GPR157: variants seen among roughly 807,000 people sequenced by gnomAD.
GPR157 encodes G-protein coupled receptor 157.
In GPR157, 16 loss-of-function variants were observed where a neutral mutation model predicts 23.5. The observed-to-expected ratio is 0.68, with a 90% CI of 0.46 to 1.04. The LOEUF (loss-of-function observed/expected upper bound fraction) is 1.04. GPR157 is among the 50% of genes least tolerant of loss of function. The pLI is 0.00. For missense variants in GPR157, 440 were observed against 460.7 expected, an observed-to-expected ratio of 0.96 and a Z score of 0.41; for synonymous variants, 200 against 221.5, an observed-to-expected ratio of 0.90 and a Z score of 0.86.
chr1:9,115,819 A>C (rs1459841525), intron 1 of GPR157, among the ~76,000 whole-genome samples: 1 of 151,302 alleles, frequency 6.6e-6, no homozygotes, highest in Admixed American at 6.6e-5. Context: ...CTCTCAGGCC[A>C]AATCTGGCCC....
intron 2 of GPR157, among the ~76,000 whole-genome samples, chr1:9,108,515 T>C (rs2457719): frequency 0.78 from 119,332 of 152,212 alleles, 47,786 homozygotes; most frequent in East Asian, 0.97. Flanking sequence ...CCTGGCGGAG[T>C]GCCTGGGATA....
rs1421896435 is a variant in GPR157, at chr1:9,120,952, T to C, written c.383+7693A>G. Among the ~76,000 whole-genome samples the C allele has an allele frequency of 6.6e-6, 1 of 152,238 alleles. No homozygotes were observed. Among genetic ancestry groups the C allele is most frequent in the East Asian group, 1.9e-4 (1 of 5,202 alleles). Reference sequence around the variant, plus strand: ...ACTATTCATGTGGCCACTGCATCCATCCCTCATTCAGATGCCACTGCCTGG... The same window carrying C: ...ACTATTCATGTGGCCACTGCATCCACCCCTCATTCAGATGCCACTGCCTGG... On this transcript the variant is annotated intron_variant, in intron 1 of 3. Coordinates refer to ENST00000377411, the MANE Select transcript of GPR157 (RefSeq NM_024980.5). The surrounding 1 kb of genome is among the most constrained non-coding windows in gnomAD (Gnocchi z 4.1).
chr1:9,115,608 C>G (rs1638618430), intron 1 of GPR157, among the ~76,000 whole-genome samples: 1 of 152,112 alleles, frequency 6.6e-6, no homozygotes, highest in African/African-American at 2.4e-5. Flanking sequence ...CACTGGGAGA[C>G]TGTTTCCTCA....
rs1326337305 is a variant in GPR157, at chr1:9,128,842, G to C, written c.186C>G (p.Ala62=). Residue 62 remains alanine (A), a synonymous_variant, in exon 1 of 4, where the codon GCC becomes GCG. Transcript: ENST00000377411. The surrounding 1 kb of genome is among the most constrained non-coding windows in gnomAD (Gnocchi z 6.3). ...TCTGCAGCACTCCGTAGAAGTAGGA[G>C]GCGGCCGAGAGCAGGTCGGCCAGCG... ...FLSLADLLSA[A]SYFYGVLQNF... is the part of the protein sequence containing the mutation. 1 of 1,600,978 alleles carries C rather than the reference G, an allele frequency of 6.2e-7. No homozygotes were observed. Among genetic ancestry groups the C allele is most frequent in the Non-Finnish European group, 8.5e-7 (1 of 1,174,584 alleles).
intron 1 of GPR157, among the ~76,000 whole-genome samples, chr1:9,115,104 A>G (rs965900615): frequency 3.9e-5 from 6 of 152,112 alleles, no homozygotes; most frequent in Non-Finnish European, 7.4e-5. Flanking sequence ...GGAATGGTCC[A>G]CTGATCCTGC....
chr1:9,109,504 T>C (rs542283637), intron 2 of GPR157, among the ~76,000 whole-genome samples: 14 of 152,212 alleles, frequency 9.2e-5, no homozygotes, highest in Non-Finnish European at 1.9e-4. Context: ...GTGATTCTCC[T>C]GCTTCAGTCT....
chr1:9,117,351 A>G (rs2124521085), intron 1 of GPR157, among the ~76,000 whole-genome samples: 1 of 152,336 alleles, frequency 6.6e-6, no homozygotes, highest in Admixed American at 6.5e-5. Context: ...AGAAGGATAA[A>G]CAGGGCAGTT....
intron 2 of GPR157, among the ~76,000 whole-genome samples, chr1:9,107,667 T>G (rs563182322): frequency 1.3e-5 from 2 of 152,280 alleles, no homozygotes; most frequent in Admixed American, 1.3e-4. Flanking sequence ...GGCTCATGCC[T>G]GTAATCCCAG....
Position 9,120,617 on chromosome 1 carries a change from TAGGCCAGGCTACCACGAG to T in GPR157, c.383+8010_383+8027del, listed in dbSNP as rs1638779262. ...GGGAGAAGTTCAGGGAGTCAGCCCCTAGGCCAGGCTACCACGAGGTCACTCTGCAGCTTTAACTGCAGA... is the reference window on the plus strand; with the variant it reads ...GGGAGAAGTTCAGGGAGTCAGCCCCTGTCACTCTGCAGCTTTAACTGCAGA... On this transcript the variant is annotated intron_variant, in intron 1 of 3. Coordinates refer to ENST00000377411, the MANE Select transcript of GPR157 (RefSeq NM_024980.5). This position sits in a 1 kb window ranked among gnomAD's most constrained non-coding sequence, Gnocchi z 4.1. 6.6e-6 allele frequency among the ~76,000 whole-genome samples: 1 copy of T among 152,132 alleles called. No individual in the cohort carries two copies. The highest frequency in any genetic ancestry group is 6.5e-5 in the Admixed American group (1 of 15,280).
rs769098005 is a variant in GPR157, at chr1:9,128,474, G to A, written c.383+171C>T. ...GCTCCTTCGGGAGGGAGCGAATCTC[G>A]GGCAAGGCTGGCCTCCTCCCGCTGG... On this transcript the variant is annotated intron_variant, in intron 1 of 3. Coordinates refer to ENST00000377411, the MANE Select transcript of GPR157 (RefSeq NM_024980.5). This position sits in a 1 kb window ranked among gnomAD's most constrained non-coding sequence, Gnocchi z 6.3. The A allele has an allele frequency of 2.9e-6, 2 of 698,720 alleles. No individual in the cohort carries two copies. Among genetic ancestry groups the A allele is most frequent in the South Asian group, 1.6e-5 (1 of 61,822 alleles). 43.3% of individuals were successfully genotyped at this position (698,720 alleles called of 1,614,324 possible). A position where few individuals can be genotyped will look rare whatever the true frequency, so the allele number is the denominator to read the frequency against.
At chr1:9,122,642 A>G (rs1040352693) in intron 1 of GPR157, among the ~76,000 whole-genome samples, 1 of 152,116 alleles carries the variant, frequency 6.6e-6, no homozygotes, top group Non-Finnish European at 1.5e-5. Flanking sequence ...AACATGCACA[A>G]CCTGAACCCA....
intron 1 of GPR157, among the ~76,000 whole-genome samples, chr1:9,123,804 A>ATTATATATATT (rs1313188570): frequency 1.6e-5 from 2 of 126,078 alleles, no homozygotes; most frequent in Admixed American, 9.4e-5. Context: ...TTATATATAT[A>ATTATATATATT]TAATATTAAA....
Position 9,128,601 on chromosome 1 carries a change from C to T in GPR157, c.383+44G>A. On this transcript the variant is annotated intron_variant, in intron 1 of 3. Transcript: ENST00000377411. This position sits in a 1 kb window ranked among gnomAD's most constrained non-coding sequence, Gnocchi z 6.3. ...GGAGGGCAAGACCGGGAGGGGTCGG[C>T]CTGTGTCGGGGGCTCCTGGAAAAGC... The T allele has an allele frequency of 6.3e-7, 1 of 1,584,286 alleles. No homozygotes were observed. The highest frequency in any genetic ancestry group is 8.6e-7 in the Non-Finnish European group (1 of 1,157,028).
At chr1:9,119,168 G>A (rs530762543) in intron 1 of GPR157, among the ~76,000 whole-genome samples, 1 of 152,136 alleles carries the variant, frequency 6.6e-6, no homozygotes, top group Non-Finnish European at 1.5e-5. Context: ...AAATAGCTGG[G>A]ATCACAGGCA....
In GPR157 at chr1:9,111,481, A is replaced by AC. The variant is rs747702339; in HGVS notation, c.391dup (p.Val131GlyfsTer18). ...GGCTGCCACAGTGATGACCAACGGG[A>AC]CCCCCCAGCTGAGGAAGGAGGAGAG... is the stretch of plus-strand genomic sequence containing the variant. On this transcript the variant is annotated frameshift_variant, in exon 2 of 4. Transcript: ENST00000377411. LOFTEE classifies it high-confidence loss of function. 6.8e-6 allele frequency: 11 copies of AC among 1,612,764 alleles called. No homozygotes were observed. Among genetic ancestry groups the AC allele is most frequent in the South Asian group, 1.1e-5 (1 of 91,052 alleles).
chr1:9,114,588 C>T (rs776656440), intron 1 of GPR157, among the ~76,000 whole-genome samples: 4 of 152,100 alleles, frequency 2.6e-5, no homozygotes, highest in Non-Finnish European at 5.9e-5. Context: ...CCCTCTGCAT[C>T]CCGACGGGCC....
intron 1 of GPR157, among the ~76,000 whole-genome samples, chr1:9,115,783 T>C (rs1043995425): frequency 1.3e-4 from 20 of 151,666 alleles, no homozygotes; most frequent in African/African-American, 4.8e-4. Flanking sequence ...TTCTTAAGTC[T>C]AGATCAGGGG....
chr1:9,108,013 C>T (rs966692282), intron 2 of GPR157, among the ~76,000 whole-genome samples: 1 of 118,208 alleles, frequency 8.5e-6, no homozygotes, highest in Admixed American at 9.3e-5. Context: ...TTGCAGTGAG[C>T]CAGAGGTGGA....
At chr1:9,106,429 C>T (rs1005840245) in intron 2 of GPR157, among the ~76,000 whole-genome samples, 6 of 152,224 alleles carry the variant, frequency 3.9e-5, no homozygotes, top group African/African-American at 1.2e-4. Context: ...GCGCTCCCCA[C>T]TCCACATGCT....
Sources: allele counts gnomAD v4.1 joint callset (sites outside exome capture counted in the v4.1 genomes callset), GRCh38; gene constraint gnomAD v4.1.1; non-coding constraint Gnocchi (gnomAD v3.1); transcripts MANE v1.5; gene names NCBI Gene and HGNC (gene_info 2026-07-23, HGNC 2026-07-21).